The following HTR6 variants were observed in gnomAD, a reference collection of about 807,000 sequenced individuals.
HTR6 encodes the protein 5-hydroxytryptamine receptor 6.
A neutral mutation model predicts 17.4 loss-of-function variants in HTR6; 15 were observed. The ratio of observed to expected loss-of-function variants is 0.86; its 90% CI spans 0.58 to 1.33. The LOEUF (loss-of-function observed/expected upper bound fraction) is 1.33, where lower values mean the gene tolerates loss of function less well. HTR6 is among the 40% of genes most tolerant of loss of function. The pLI, the probability that HTR6 is intolerant of heterozygous loss-of-function variation, is 0.00. For missense variants in HTR6, 578 were observed against 616.0 expected, an observed-to-expected ratio of 0.94 and a Z score of 0.65; for synonymous variants, 326 against 295.5, an observed-to-expected ratio of 1.10 and a Z score of -1.06.
chr1:19,673,863 T>A, intron 1 of HTR6, among the ~76,000 whole-genome samples: 1 of 31,474 alleles, frequency 3.2e-5, no homozygotes. Context: ...TCTAGGTCTT[T>A]TTTTTTTTTT....
In HTR6 at chr1:19,679,942, C is replaced by T. The variant is rs72961761; in HGVS notation, c.*574C>T. ...ATGTGCTGCCTTAGATCATCTTTAA[C>T]CCTCAGAATGATTTGCTGGATGGTT... On this transcript the variant is annotated 3_prime_UTR_variant, in exon 3 of 3. Transcript: ENST00000289753. This position sits in a 1 kb window ranked among gnomAD's most constrained non-coding sequence, Gnocchi z 4.9. Among the ~76,000 whole-genome samples, 1 of 152,162 alleles carries T rather than the reference C, an allele frequency of 6.6e-6. No homozygotes were observed. Among genetic ancestry groups the T allele is most frequent in the Admixed American group, 6.5e-5 (1 of 15,276 alleles).
At chr1:19,667,007 A>G (rs1019768460) in intron 1 of HTR6, among the ~76,000 whole-genome samples, 3 of 151,374 alleles carry the variant, frequency 2.0e-5, no homozygotes, top group African/African-American at 7.3e-5. Flanking sequence ...CCTGCTTCAG[A>G]CTCTTCAGGC....
chr1:19,679,629 C>T lies in HTR6; in HGVS notation c.*261C>T. ...TGTGTGCAGAGGATGGGCTGGAGGACTCTGGATGTTGGGGAGAAGGACCTC... is the reference window on the plus strand; with the variant it reads ...TGTGTGCAGAGGATGGGCTGGAGGATTCTGGATGTTGGGGAGAAGGACCTC... On this transcript the variant is annotated 3_prime_UTR_variant, in exon 3 of 3. Coordinates refer to ENST00000289753, the MANE Select transcript of HTR6 (RefSeq NM_000871.3). This position sits in a 1 kb window ranked among gnomAD's most constrained non-coding sequence, Gnocchi z 4.9. 1 of 471,498 alleles carries T rather than the reference C, an allele frequency of 2.1e-6. No individual in the cohort carries two copies. Among genetic ancestry groups the T allele is most frequent in the Non-Finnish European group, 3.7e-6 (1 of 272,540 alleles). 29.2% of individuals were successfully genotyped at this position (471,498 alleles called of 1,614,324 possible). A position where few individuals can be genotyped will look rare whatever the true frequency, so the allele number is the denominator to read the frequency against.
chr1:19,678,162 TTG>T (rs2095096663), intron 1 of HTR6, among the ~76,000 whole-genome samples: 1 of 152,192 alleles, frequency 6.6e-6, no homozygotes, highest in African/African-American at 2.4e-5. Context: ...ACCATCTGAT[TTG>T]TGTTTCAGGT....
At chr1:19,671,334 T>TC (rs1432825788) in intron 1 of HTR6, among the ~76,000 whole-genome samples, 1 of 152,006 alleles carries the variant, frequency 6.6e-6, no homozygotes, top group African/African-American at 2.4e-5. Context: ...TCTGTTCTAA[T>TC]CCCCCCGCTT....
chr1:19,674,884 C>T (rs985651996), intron 1 of HTR6, among the ~76,000 whole-genome samples: 5 of 152,172 alleles, frequency 3.3e-5, no homozygotes, highest in Non-Finnish European at 7.3e-5. Context: ...CAGGAAGCTG[C>T]CCTCTGACAC....
chr1:19,677,806 C>G (rs886407067), intron 1 of HTR6, among the ~76,000 whole-genome samples: 1 of 152,220 alleles, frequency 6.6e-6, no homozygotes, highest in Non-Finnish European at 1.5e-5. Flanking sequence ...GTGATGTGAG[C>G]TTGGCACACT....
intron 2 of HTR6, 60 bp downstream of exon 2, chr1:19,678,785 G>T: frequency 6.4e-7 from 1 of 1,573,776 alleles, no homozygotes; most frequent in Non-Finnish European, 8.7e-7. Flanking sequence ...CTGGATCCCA[G>T]CCCAGGCATG....
intron 1 of HTR6, among the ~76,000 whole-genome samples, chr1:19,674,569 C>A (rs1011391753): frequency 2.6e-5 from 4 of 152,208 alleles, no homozygotes; most frequent in Admixed American, 2.6e-4. Flanking sequence ...CCACACCTGG[C>A]TAATTTTTTT....
intron 1 of HTR6, among the ~76,000 whole-genome samples, chr1:19,667,518 C>T (rs1047460941): frequency 1.3e-5 from 2 of 152,008 alleles, no homozygotes; most frequent in Admixed American, 6.5e-5. Flanking sequence ...TGGGTTTAAG[C>T]GATTCTTCTG....
At position 19,666,181 on chromosome 1, in the gene HTR6, C is replaced by A; in HGVS notation, c.428C>A (p.Ala143Asp). Residue 143 changes from alanine (A) to aspartate (D), a missense_variant, in exon 1 of 3, where the codon GCC becomes GAC. Physicochemically the swap from Ala to Asp is moderately radical, Grantham distance 126. Coordinates refer to ENST00000289753, the MANE Select transcript of HTR6 (RefSeq NM_000871.3). This position sits in a 1 kb window ranked among gnomAD's most constrained non-coding sequence, Gnocchi z 4.5. ...RYKLRMTPLR[A>D]LALVLGAWSL... ...AAGCTGCGCATGACGCCCCTGCGTG[C>A]CCTGGCCCTAGTCCTGGGCGCCTGG... 6.2e-7 allele frequency: 1 copy of A among 1,610,672 alleles called. No individual in the cohort carries two copies. The highest frequency in any genetic ancestry group is 1.1e-5 in the South Asian group (1 of 91,078).
At chr1:19,671,630 C>T (rs1326490954) in intron 1 of HTR6, among the ~76,000 whole-genome samples, 1 of 152,094 alleles carries the variant, frequency 6.6e-6, no homozygotes, top group African/African-American at 2.4e-5. Flanking sequence ...TCTTGGACCC[C>T]TTCCCTTTTC....
chr1:19,665,240 C>T lies in HTR6; in HGVS notation c.-514C>T, dbSNP rs1312694475. ...GGCTTTGCTCCGGCCCCTAGGCCCCCGCCCTGGTACCCCACACGCCCACCG... is the reference window on the plus strand; with the variant it reads ...GGCTTTGCTCCGGCCCCTAGGCCCCTGCCCTGGTACCCCACACGCCCACCG... On this transcript the variant is annotated 5_prime_UTR_variant, in exon 1 of 3. Coordinates refer to ENST00000289753, the MANE Select transcript of HTR6 (RefSeq NM_000871.3). This position sits in a 1 kb window ranked among gnomAD's most constrained non-coding sequence, Gnocchi z 4.2. The T allele has an allele frequency of 2.6e-5, 4 of 153,174 alleles. No homozygotes were observed. Among genetic ancestry groups the T allele is most frequent in the Non-Finnish European group, 4.4e-5 (3 of 68,794 alleles). 9.5% of individuals were successfully genotyped at this position (153,174 alleles called of 1,614,324 possible).
intron 2 of HTR6, 24 bp from the exon 3 acceptor site, chr1:19,678,895 G>T (rs201914574): frequency 4.6e-5 from 72 of 1,575,520 alleles, no homozygotes; most frequent in Non-Finnish European, 5.5e-5. Context: ...CTGGGACCAG[G>T]CATGATGCAT....
chr1:19,665,984 G>T lies in HTR6; in HGVS notation c.231G>T (p.Leu77=), dbSNP rs755496275. 6.2e-7 allele frequency: 1 copy of T among 1,613,952 alleles called. No individual in the cohort carries two copies. Among genetic ancestry groups the T allele is most frequent in the South Asian group, 1.1e-5 (1 of 91,086 alleles). Residue 77 remains leucine (L), a synonymous_variant, in exon 1 of 3, where the codon CTG becomes CTT. Transcript: ENST00000289753. This position sits in a 1 kb window ranked among gnomAD's most constrained non-coding sequence, Gnocchi z 4.2. ...SLFTSDLMVG[L]VVMPPAMLNA... is the part of the protein sequence containing the mutation. ...TCACGTCTGACCTGATGGTGGGGCT[G>T]GTGGTGATGCCGCCGGCCATGCTGA...
chr1:19,671,066 C>T (rs2095087417), intron 1 of HTR6, among the ~76,000 whole-genome samples: 1 of 152,176 alleles, frequency 6.6e-6, no homozygotes, highest in Admixed American at 6.5e-5. Flanking sequence ...TGCCTGCCCT[C>T]TTGAAATCTG....
Position 19,665,873 on chromosome 1 carries a change from G to A in HTR6, c.120G>A (p.Thr40=), listed in dbSNP as rs757607144. 5 of 1,604,502 alleles carry A rather than the reference G, an allele frequency of 3.1e-6. 1 individual carries two copies. The South Asian group carries it at 5.6e-5, about 18-fold the overall frequency. Residue 40 remains threonine (T), a synonymous_variant, in exon 1 of 3, where the codon ACG becomes ACA. Transcript: ENST00000289753. The surrounding 1 kb of genome is among the most constrained non-coding windows in gnomAD (Gnocchi z 4.2). The part of the protein sequence containing the change: ...AAALCVVIAL[T]AAANSLLIAL... ...CGCTGTGCGTGGTCATCGCGCTGAC[G>A]GCGGCGGCCAACTCGCTGCTGATCG... is the stretch of plus-strand genomic sequence containing the variant.
Position 19,678,739 on chromosome 1 carries a change from AG to A in HTR6, c.873+19del. ...AACATAGTCCAGGTAATGCCACGGCAGGGGGCAGGTGAGTCCGGCCCTTGCA... is the reference window on the plus strand; with the variant it reads ...AACATAGTCCAGGTAATGCCACGGCAGGGGCAGGTGAGTCCGGCCCTTGCA... On this transcript the variant is annotated intron_variant, in intron 2 of 2. Coordinates refer to ENST00000289753, the MANE Select transcript of HTR6 (RefSeq NM_000871.3). The A allele has an allele frequency of 1.2e-6, 2 of 1,603,372 alleles. No individual in the cohort carries two copies. Among genetic ancestry groups the A allele is most frequent in the South Asian group, 2.2e-5 (2 of 90,480 alleles).
intron 1 of HTR6, among the ~76,000 whole-genome samples, chr1:19,677,635 G>A (rs1380141327): frequency 2.6e-5 from 4 of 152,248 alleles, no homozygotes; most frequent in Admixed American, 2.0e-4. Context: ...GCCCAGGCAA[G>A]ACTATTGCTC....
Sources: gnomAD v4.1 joint callset for allele counts (sites outside exome capture counted in the v4.1 genomes callset) on GRCh38, gnomAD v4.1.1 for gene constraint, Gnocchi (gnomAD v3.1) non-coding constraint, MANE v1.5 for transcripts, NCBI Gene and HGNC (gene_info 2026-07-23, HGNC 2026-07-21) for gene names.